Variants in SNX31 observed in about 807,000 individuals in gnomAD.
SNX31 encodes sorting nexin 31.
SNX31 carries 58 observed loss-of-function variants against 65.4 expected under a neutral mutation model. The observed-to-expected ratio is 0.89, with a 90% CI of 0.72 to 1.10. The LOEUF (loss-of-function observed/expected upper bound fraction) is 1.10. SNX31 is among the 50% of genes least tolerant of loss of function. The probability of loss-of-function intolerance (pLI) is 0.00; values close to 1 mark genes in which losing one functional copy is unlikely to be tolerated. For synonymous variants in SNX31, 181 were observed against 190.1 expected, an observed-to-expected ratio of 0.95 and a Z score of 0.39; for missense variants, 523 against 529.7, an observed-to-expected ratio of 0.99 and a Z score of 0.12.
chr8:100,590,268 C>T (rs531518343), intron 10 of SNX31, among the ~76,000 whole-genome samples: 1 of 152,178 alleles, frequency 6.6e-6, no homozygotes, highest in Non-Finnish European at 1.5e-5. Flanking sequence ...TAGGGGGCAA[C>T]AGACATTATC....
chr8:100,579,167 C>T (rs1314250368), intron 12 of SNX31, among the ~76,000 whole-genome samples: 1 of 152,150 alleles, frequency 6.6e-6, no homozygotes, highest in Non-Finnish European at 1.5e-5. Context: ...AAATACAGAG[C>T]TTGGAGGAAA....
At chr8:100,599,557 T>A (rs1236218443) in intron 9 of SNX31, among the ~76,000 whole-genome samples, 1 of 152,016 alleles carries the variant, frequency 6.6e-6, no homozygotes, top group African/African-American at 2.4e-5. Flanking sequence ...TTGCAGTTCA[T>A]CAGTAAAAAT....
Position 100,573,976 on chromosome 8 carries a change from A to G in SNX31, c.1228-16T>C. The G allele has an allele frequency of 7.1e-7, 1 of 1,399,554 alleles. No homozygotes were observed. 86.7% of individuals were successfully genotyped at this position (1,399,554 alleles called of 1,614,324 possible). On this transcript the variant is annotated splice_polypyrimidine_tract_variant and intron_variant, in intron 13 of 13. Coordinates refer to ENST00000311812, the MANE Select transcript of SNX31 (RefSeq NM_152628.4). Reference sequence around the variant, plus strand: ...AGTCTTTCTGCTGTGAAGTAAACAGAGAGGTCAGAAATGTAAATGAAAGGA... The same window carrying G: ...AGTCTTTCTGCTGTGAAGTAAACAGGGAGGTCAGAAATGTAAATGAAAGGA...
At chr8:100,639,801 A>G (rs1819031815) in intron 2 of SNX31, among the ~76,000 whole-genome samples, 2 of 152,202 alleles carry the variant, frequency 1.3e-5, no homozygotes, top group African/African-American at 2.4e-5. Context: ...CAGTGCAACC[A>G]AGGATCTATG....
rs1215347433 is a variant in SNX31 at position 100,617,774 on chromosome 8, T to G, written c.322-44A>C. 4 of 1,519,368 alleles carry G rather than the reference T, an allele frequency of 2.6e-6. No homozygotes were observed. The African/African-American group carries it at 4.2e-5, about 16-fold the overall frequency. 94.1% of individuals were successfully genotyped at this position (1,519,368 alleles called of 1,614,324 possible). ...CAAAATAAATTTCCACACCTTTTTTTTTTTTTTGGAGGCGGAGTCTCACTC... is the reference window on the plus strand; with the variant it reads ...CAAAATAAATTTCCACACCTTTTTTGTTTTTTTGGAGGCGGAGTCTCACTC... On this transcript the variant is annotated intron_variant, in intron 4 of 13. Transcript: ENST00000311812.
At chr8:100,628,043 C>A (rs1380651938) in intron 4 of SNX31, among the ~76,000 whole-genome samples, 1 of 152,150 alleles carries the variant, frequency 6.6e-6, no homozygotes, top group Non-Finnish European at 1.5e-5. Context: ...CAAAGAGATA[C>A]CATTTCACAC....
intron 11 of SNX31, among the ~76,000 whole-genome samples, chr8:100,586,573 A>C (rs1026864432): frequency 2.6e-5 from 4 of 152,158 alleles, no homozygotes; most frequent in Admixed American, 2.6e-4. Flanking sequence ...TTACTACCCA[A>C]ATCTCTCTAT....
At position 100,588,922 on chromosome 8, in the gene SNX31, T is replaced by TGAGCTCTAAGTTCTGGTTGA. The variant is rs761059415; in HGVS notation, c.1016_1035dup (p.Arg346SerfsTer5). 6.2e-7 allele frequency: 1 copy of TGAGCTCTAAGTTCTGGTTGA among 1,613,202 alleles called. No homozygotes were observed. The highest frequency in any genetic ancestry group is 8.5e-7 in the Non-Finnish European group (1 of 1,179,140). Reference sequence around the variant, plus strand: ...CAACTATCCTCACTGTATTGAAATCTGAGCTCTAAGTTCTGGTTGAGAGTT... The same window carrying TGAGCTCTAAGTTCTGGTTGA: ...CAACTATCCTCACTGTATTGAAATCTGAGCTCTAAGTTCTGGTTGAGAGCTCTAAGTTCTGGTTGAGAGTT... On this transcript the variant is annotated stop_gained and frameshift_variant, in exon 11 of 14. Coordinates refer to ENST00000311812, the MANE Select transcript of SNX31 (RefSeq NM_152628.4). LOFTEE classifies it high-confidence loss of function. The surrounding 1 kb of genome is among the most constrained non-coding windows in gnomAD (Gnocchi z 4.8).
intron 10 of SNX31, 101 bp downstream of exon 10, chr8:100,596,538 A>G: frequency 1.1e-6 from 1 of 942,752 alleles, no homozygotes; most frequent in Non-Finnish European, 1.7e-6. Flanking sequence ...CACTCAAGGT[A>G]CAGATTCAAA....
intron 11 of SNX31, among the ~76,000 whole-genome samples, chr8:100,587,555 T>C (rs1814160907): frequency 6.6e-6 from 1 of 152,204 alleles, no homozygotes; most frequent in Non-Finnish European, 1.5e-5. Flanking sequence ...TGATTATGTA[T>C]ATGTGAATAA....
chr8:100,641,957 T>C (rs1361962089), intron 2 of SNX31, among the ~76,000 whole-genome samples: 1 of 151,830 alleles, frequency 6.6e-6, no homozygotes, highest in Admixed American at 6.6e-5. Context: ...CAGGTGCCTG[T>C]AGTCCCAGCT....
chr8:100,616,168 G>A (rs569688497), intron 5 of SNX31, among the ~76,000 whole-genome samples: 9 of 152,254 alleles, frequency 5.9e-5, no homozygotes, highest in South Asian at 2.1e-4. Flanking sequence ...TGACCGAAAC[G>A]TCATTATTAT....
intron 8 of SNX31, among the ~76,000 whole-genome samples, chr8:100,605,549 T>TA (rs1041251793): frequency 6.6e-6 from 1 of 152,134 alleles, no homozygotes; most frequent in Non-Finnish European, 1.5e-5. Context: ...GGAGAAAACT[T>TA]AGAGATTATG....
chr8:100,641,988 A>G (rs1384919113), intron 2 of SNX31, among the ~76,000 whole-genome samples: 2 of 152,026 alleles, frequency 1.3e-5, no homozygotes, highest in African/African-American at 4.8e-5. Flanking sequence ...CTGAGGCAGG[A>G]GAATGGCGCG....
chr8:100,584,748 C>CT (rs531595486), intron 11 of SNX31, among the ~76,000 whole-genome samples: 2,090 of 135,410 alleles, frequency 0.015, 44 homozygotes, highest in African/African-American at 0.047. Flanking sequence ...TTTTCTTTTT[C>CT]TTTTTTTTTT....
chr8:100,584,528 A>G (rs1045193013), intron 11 of SNX31, among the ~76,000 whole-genome samples: 3 of 152,136 alleles, frequency 2.0e-5, no homozygotes, highest in African/African-American at 7.2e-5. Flanking sequence ...AATAAACAAT[A>G]AAAACTAATT....
At chr8:100,603,679 C>T (rs183223096) in intron 8 of SNX31, among the ~76,000 whole-genome samples, 3 of 151,240 alleles carry the variant, frequency 2.0e-5, no homozygotes, top group South Asian at 4.2e-4. Context: ...TCAGATACCT[C>T]GGATGATTGG....
Position 100,577,027 on chromosome 8 carries a change from G to T in SNX31, c.1219C>A (p.Gln407Lys). ...QSKSKKYHIQ[Q>K]SQQKDYSSFL... ...TAATTTTACTCACAGACCTGGCTTT[G>T]TTGAATGTGGTATTTTTTACTTTTG... Residue 407 changes from glutamine to lysine, a missense_variant, in exon 13 of 14, where the codon CAA becomes AAA. Coordinates refer to ENST00000311812, the MANE Select transcript of SNX31 (RefSeq NM_152628.4). The T allele has an allele frequency of 6.2e-7, 1 of 1,612,972 alleles. No homozygotes were observed. Among genetic ancestry groups the T allele is most frequent in the Non-Finnish European group, 8.5e-7 (1 of 1,179,388 alleles).
intron 11 of SNX31, among the ~76,000 whole-genome samples, chr8:100,587,234 C>G (rs1383903314): frequency 6.6e-6 from 1 of 152,148 alleles, no homozygotes; most frequent in East Asian, 1.9e-4. Flanking sequence ...AATAGGAAGT[C>G]TACTGCGGGG....
Sources: gnomAD v4.1 joint callset for allele counts (sites outside exome capture counted in the v4.1 genomes callset) on GRCh38, gnomAD v4.1.1 for gene constraint, Gnocchi (gnomAD v3.1) non-coding constraint, MANE v1.5 for transcripts, NCBI Gene and HGNC (gene_info 2026-07-23, HGNC 2026-07-21) for gene names.